TIMD4: variants seen among roughly 807,000 people sequenced by gnomAD.
The protein encoded by TIMD4 is T cell immunoglobulin and mucin domain containing 4.
In TIMD4, 31 loss-of-function variants were observed where a neutral mutation model predicts 41.2. That is an observed-to-expected ratio of 0.75 (90% confidence interval 0.57 to 1.01). TIMD4 has a LOEUF of 1.01. Among genes scored for constraint, TIMD4 ranks in the 50% least tolerant of loss-of-function variants. The probability of loss-of-function intolerance (pLI) is 0.00; values close to 1 mark genes in which losing one functional copy is unlikely to be tolerated. For synonymous variants in TIMD4, 204 were observed against 177.1 expected (o/e 1.15, Z -1.21); for missense variants, 479 against 472.5 (o/e 1.01, Z -0.13).
chr5:156,943,386 G>T (rs925729274), intron 5 of TIMD4, among the ~76,000 whole-genome samples: 5 of 152,134 alleles, frequency 3.3e-5, no homozygotes, highest in Non-Finnish European at 5.9e-5. Context: ...GAAAAGGATA[G>T]AACAAATAAC....
rs1157970506 is a variant in TIMD4 at position 156,954,750 on chromosome 5, A to T, written c.65T>A (p.Val22Asp). Reference sequence around the variant, plus strand: ...CTCCGTCACAACAGTCTCTGAAGTGACTGGTGCTGCAAGGAAAAATGCGAA... The same window carrying T: ...CTCCGTCACAACAGTCTCTGAAGTGTCTGGTGCTGCAAGGAAAAATGCGAA... ...IEFWWLYLTPVTSETVVTEVL... is the reference protein window; with the variant it reads ...IEFWWLYLTPDTSETVVTEVL... The change falls in exon 2 of 9, where the codon GTC (valine) becomes GAC (aspartate). Residue 22 changes from valine (V) to aspartate (D), a missense_variant. By Grantham distance (152) the Val-to-Asp change is radical (BLOSUM62 -3). Coordinates refer to ENST00000274532, the MANE Select transcript of TIMD4 (RefSeq NM_138379.3). The T allele has an allele frequency of 6.2e-7, 1 of 1,605,082 alleles. No homozygotes were observed. Among genetic ancestry groups the T allele is most frequent in the East Asian group, 2.2e-5 (1 of 44,718 alleles).
chr5:156,951,095 T>A (rs1358075815), intron 3 of TIMD4, among the ~76,000 whole-genome samples: 7 of 151,866 alleles, frequency 4.6e-5, no homozygotes, highest in African/African-American at 1.4e-4. Context: ...GTGCTAACCC[T>A]CAGTACCTTG....
At chr5:156,927,455 G>A (rs893796943) in intron 5 of TIMD4, among the ~76,000 whole-genome samples, 2 of 152,218 alleles carry the variant, frequency 1.3e-5, no homozygotes, top group African/African-American at 4.8e-5. Flanking sequence ...AGATGAGACA[G>A]GTGAGCAAGA....
chr5:156,940,138 G>A (rs1759614256), intron 5 of TIMD4, among the ~76,000 whole-genome samples: 1 of 152,210 alleles, frequency 6.6e-6, no homozygotes, highest in Non-Finnish European at 1.5e-5. Context: ...TGTATTTTTT[G>A]GTGGAGACGG....
chr5:156,948,100 C>T (rs931060424), intron 5 of TIMD4, among the ~76,000 whole-genome samples: 8 of 152,106 alleles, frequency 5.3e-5, no homozygotes, highest in African/African-American at 1.9e-4. Flanking sequence ...CTCCAGCTGG[C>T]GGGAGGATGT....
chr5:156,926,143 A>C (rs889073004), intron 6 of TIMD4, 120 bp downstream of exon 6: 1 of 954,402 alleles, frequency 1.0e-6, no homozygotes, highest in Admixed American at 2.3e-5. Flanking sequence ...GCATCAAGTG[A>C]TCTGCCCACC....
intron 5 of TIMD4, 61 bp from the exon 6 acceptor site, chr5:156,926,373 C>A: frequency 6.5e-7 from 1 of 1,550,038 alleles, no homozygotes; most frequent in Non-Finnish European, 8.9e-7. Flanking sequence ...ATATCACATC[C>A]TGAAATAGGT....
At position 156,925,616 on chromosome 5, in the gene TIMD4, A is replaced by G. The variant is rs372127021; in HGVS notation, c.894+647T>C. On this transcript the variant is annotated intron_variant, in intron 6 of 8. Coordinates refer to ENST00000274532, the MANE Select transcript of TIMD4 (RefSeq NM_138379.3). The stretch of plus-strand genomic sequence containing the variant: ...AATAATAAAAATAGCACCCTCAGAA[A>G]ACAAGAGAAATATTGATGGCAGGTG... Among the ~76,000 whole-genome samples the G allele has an allele frequency of 6.6e-5, 10 of 152,320 alleles. No individual in the cohort carries two copies. In the East Asian group the frequency reaches 1.3e-3, roughly 21 times the overall value.
chr5:156,949,635 G>A lies in TIMD4; in HGVS notation c.760+16C>T. 6.3e-7 allele frequency: 1 copy of A among 1,596,024 alleles called. No individual in the cohort carries two copies. The highest frequency in any genetic ancestry group is 8.6e-7 in the Non-Finnish European group (1 of 1,164,858). On this transcript the variant is annotated intron_variant, in intron 4 of 8. Coordinates refer to ENST00000274532, the MANE Select transcript of TIMD4 (RefSeq NM_138379.3). Reference sequence around the variant, plus strand: ...CAAAGGGTGAGGGAGGACAGAGAGAGTGAGTGTCTGCACACCTTTGGATGT... The same window carrying A: ...CAAAGGGTGAGGGAGGACAGAGAGAATGAGTGTCTGCACACCTTTGGATGT...
chr5:156,920,653 T>C (rs1759220700), intron 7 of TIMD4, 150 bp from the exon 8 acceptor site: 1 of 743,222 alleles, frequency 1.3e-6, no homozygotes, highest in African/African-American at 1.7e-5. Flanking sequence ...AGCCATTCCC[T>C]TTCCCAGGTC....
intron 6 of TIMD4, among the ~76,000 whole-genome samples, chr5:156,923,776 G>C (rs1437442089): frequency 6.6e-6 from 1 of 151,494 alleles, no homozygotes; most frequent in Non-Finnish European, 1.5e-5. Flanking sequence ...GAACTCCTGG[G>C]CTCAAGCAAT....
intron 5 of TIMD4, among the ~76,000 whole-genome samples, chr5:156,931,820 C>T (rs983611314): frequency 3.9e-5 from 6 of 152,188 alleles, no homozygotes; most frequent in African/African-American, 1.4e-4. Flanking sequence ...TTTATGTCAA[C>T]TTTCCTGGCT....
At chr5:156,952,050 G>A (rs1759871972) in intron 2 of TIMD4, among the ~76,000 whole-genome samples, 1 of 152,096 alleles carries the variant, frequency 6.6e-6, no homozygotes, top group Non-Finnish European at 1.5e-5. Context: ...AGCACTTTGG[G>A]AGGCCGAGGC....
At chr5:156,929,049 C>T (rs939364053) in intron 5 of TIMD4, among the ~76,000 whole-genome samples, 2 of 152,292 alleles carry the variant, frequency 1.3e-5, no homozygotes, top group Admixed American at 1.3e-4. Context: ...CTTTCTTCTT[C>T]TTCTTCTTCT....
chr5:156,956,126 C>T (rs542843832), intron 1 of TIMD4, among the ~76,000 whole-genome samples: 6 of 152,314 alleles, frequency 3.9e-5, no homozygotes, highest in Admixed American at 2.6e-4. Flanking sequence ...TCCCCTTTCA[C>T]TATCCCACCC....
intron 1 of TIMD4, among the ~76,000 whole-genome samples, chr5:156,958,681 T>C (rs569464175): frequency 1.3e-5 from 2 of 152,352 alleles, no homozygotes; most frequent in South Asian, 2.1e-4. Context: ...AGTCCTAGTA[T>C]GCCTTAGCAA....
At chr5:156,952,985 T>C (rs1339625796) in intron 2 of TIMD4, among the ~76,000 whole-genome samples, 1 of 152,208 alleles carries the variant, frequency 6.6e-6, no homozygotes, top group East Asian at 1.9e-4. Context: ...CTCCTACATA[T>C]CTGATTTGAG....
intron 5 of TIMD4, among the ~76,000 whole-genome samples, chr5:156,927,766 T>C (rs1169935360): frequency 1.3e-5 from 2 of 152,102 alleles, no homozygotes; most frequent in Non-Finnish European, 2.9e-5. Flanking sequence ...CACCTGGCCA[T>C]GGCCTGAGCT....
At chr5:156,939,087 T>A (rs1759593991) in intron 5 of TIMD4, among the ~76,000 whole-genome samples, 1 of 152,176 alleles carries the variant, frequency 6.6e-6, no homozygotes, top group Non-Finnish European at 1.5e-5. Context: ...TCTCTCTTCA[T>A]CTCACACAAT....
Sources: gnomAD v4.1 joint callset for allele counts (sites outside exome capture counted in the v4.1 genomes callset) on GRCh38, gnomAD v4.1.1 for gene constraint, MANE v1.5 for transcripts, NCBI Gene and HGNC (gene_info 2026-07-23, HGNC 2026-07-21) for gene names.